H1-8: variants seen among roughly 807,000 people sequenced by gnomAD.
H1-8 encodes histone H1.8.
A neutral mutation model predicts 19.5 loss-of-function variants in H1-8; 13 were observed. The observed-to-expected ratio is 0.67, with a 90% CI of 0.43 to 1.06. The LOEUF is 1.06. H1-8 is among the 50% of genes least tolerant of loss of function. The pLI is 0.00. For missense variants in H1-8, 432 were observed against 459.8 expected, an observed-to-expected ratio of 0.94 and a Z score of 0.55; for synonymous variants, 193 against 187.6, an observed-to-expected ratio of 1.03 and a Z score of -0.24.
At position 129,549,224 on chromosome 3, in the gene H1-8, G is replaced by T; in HGVS notation, c.602G>T (p.Gly201Val). Residue 201 changes from glycine (G) to valine (V), a missense_variant, in exon 3 of 5, where the codon GGC becomes GTC. Coordinates refer to ENST00000324382, the MANE Select transcript of H1-8 (RefSeq NM_153833.3). ...GAATEKARKQ[G>V]GAAKDTRAQS... ...GCCACAGAGAAGGCTCGCAAGCAAG[G>T]CGGCGCGGCCAAGGACACCAGGGCA... The T allele has an allele frequency of 6.3e-7, 1 of 1,578,704 alleles. No individual in the cohort carries two copies. The highest frequency in any genetic ancestry group is 8.6e-7 in the Non-Finnish European group (1 of 1,162,242).
chr3:129,549,492 A>G, intron 3 of H1-8, 128 bp downstream of exon 3: 6 of 1,118,326 alleles, frequency 5.4e-6, no homozygotes, highest in Non-Finnish European at 7.4e-6. Flanking sequence ...GCTGGGCTTG[A>G]CCTGGAGAGA....
intron 1 of H1-8, among the ~76,000 whole-genome samples, 192 bp from the exon 2 acceptor site, chr3:129,547,199 G>T (rs565384105): frequency 6.6e-6 from 1 of 152,038 alleles, no homozygotes; most frequent in East Asian, 1.9e-4. Context: ...GTGTCTCAAA[G>T]AAAAAAAGAG....
intron 1 of H1-8, among the ~76,000 whole-genome samples, chr3:129,543,522 A>G (rs893627104): frequency 6.6e-6 from 1 of 152,166 alleles, no homozygotes; most frequent in South Asian, 2.1e-4. Flanking sequence ...ACAGGTAGCA[A>G]GGCCAGGTAG....
intron 1 of H1-8, among the ~76,000 whole-genome samples, chr3:129,546,797 C>G (rs1017201738): frequency 6.6e-6 from 1 of 152,200 alleles, no homozygotes; most frequent in Non-Finnish European, 1.5e-5. Context: ...GTCTCTCAGT[C>G]TGGGTGCCTC....
At chr3:129,546,797 C>T (rs1017201738) in intron 1 of H1-8, among the ~76,000 whole-genome samples, 5 of 152,200 alleles carry the variant, frequency 3.3e-5, no homozygotes, top group African/African-American at 1.2e-4. Context: ...GTCTCTCAGT[C>T]TGGGTGCCTC....
chr3:129,544,832 G>A (rs1461795464), intron 1 of H1-8, among the ~76,000 whole-genome samples: 1 of 152,008 alleles, frequency 6.6e-6, no homozygotes, highest in Admixed American at 6.6e-5. Flanking sequence ...CCACTGTACG[G>A]ATGGGAAGAC....
chr3:129,550,683 CT>C (rs1578292632), intron 3 of H1-8, 61 bp from the exon 4 acceptor site: 1 of 1,450,214 alleles, frequency 6.9e-7, no homozygotes, highest in East Asian at 2.3e-5. Flanking sequence ...GCCCCTGAAA[CT>C]TCCTGCCCCA....
chr3:129,543,442 A>T, intron 1 of H1-8, 136 bp downstream of exon 1: 1 of 665,494 alleles, frequency 1.5e-6, no homozygotes, highest in Non-Finnish European at 2.7e-6. Context: ...GCACTCACCC[A>T]GCACTCACCC....
At chr3:129,548,568 A>G in intron 2 of H1-8, 2 of 877,796 alleles carry the variant, frequency 2.3e-6, no homozygotes, top group South Asian at 1.0e-4. Flanking sequence ...TGCCGCTCAC[A>G]GCCTTGGTGA....
intron 3 of H1-8, among the ~76,000 whole-genome samples, chr3:129,550,222 C>G (rs1277251937): frequency 2.0e-5 from 3 of 152,056 alleles, no homozygotes; most frequent in Non-Finnish European, 4.4e-5. Flanking sequence ...GGGCAAGATA[C>G]TAGGATCCCA....
chr3:129,549,103 A>G lies in H1-8; in HGVS notation c.481A>G (p.Ser161Gly). The G allele has an allele frequency of 6.2e-7, 1 of 1,601,562 alleles. No individual in the cohort carries two copies. The highest frequency in any genetic ancestry group is 8.5e-7 in the Non-Finnish European group (1 of 1,173,316). ...CAAGGGGAAGGGCCCCAAGAAACCA[A>G]GTGAGGCCAAGGAGGACCCTCCCAA... is the stretch of plus-strand genomic sequence containing the variant. ...EAKGKGPKKP[S>G]EAKEDPPNVG... The change falls in exon 3 of 5, where the codon AGT (serine) becomes GGT (glycine). Residue 161 changes from serine to glycine, a missense_variant. Physicochemically the swap from Ser to Gly is moderately conservative, Grantham distance 56. Transcript: ENST00000324382.
intron 2 of H1-8, 61 bp from the exon 3 acceptor site, chr3:129,548,940 G>T: frequency 2.0e-6 from 3 of 1,534,158 alleles, no homozygotes; most frequent in Non-Finnish European, 2.6e-6. Context: ...GTCTTACGGG[G>T]GGTGGGGGGC....
intron 1 of H1-8, among the ~76,000 whole-genome samples, chr3:129,545,087 G>T (rs1490053935): frequency 4.7e-5 from 7 of 148,964 alleles, no homozygotes; most frequent in Admixed American, 3.3e-4. Context: ...TTGAGACAGG[G>T]TCTTGCTTTG....
At position 129,548,853 on chromosome 3, in the gene H1-8, A is replaced by G. The variant is rs528444723; in HGVS notation, c.379-148A>G. On this transcript the variant is annotated intron_variant, in intron 2 of 4. Transcript: ENST00000324382. ...ATCATAGTAGACAGTGCCTCCAAGG[A>G]CAGTGGCTTCGTGCCTTCTCCCTGC... The G allele has an allele frequency of 5.6e-5, 60 of 1,071,908 alleles. No individual in the cohort carries two copies. The East Asian group carries it at 1.4e-3, about 25-fold the overall frequency. 66.4% of individuals were successfully genotyped at this position (1,071,908 alleles called of 1,614,324 possible).
intron 1 of H1-8, among the ~76,000 whole-genome samples, chr3:129,546,134 T>C (rs552904170): frequency 1.4e-5 from 2 of 144,448 alleles, no homozygotes; most frequent in African/African-American, 5.0e-5. Flanking sequence ...ATAATAATAA[T>C]AATAATAATA....
At chr3:129,550,453 G>A (rs772813490) in intron 3 of H1-8, among the ~76,000 whole-genome samples, 14 of 152,100 alleles carry the variant, frequency 9.2e-5, no homozygotes, top group Admixed American at 3.9e-4. Flanking sequence ...CTAAAGGCTC[G>A]AGCTGACAGG....
At chr3:129,547,200 A>T (rs532690372) in intron 1 of H1-8, among the ~76,000 whole-genome samples, 191 bp from the exon 2 acceptor site, 1 of 152,294 alleles carries the variant, frequency 6.6e-6, no homozygotes, top group East Asian at 1.9e-4. Flanking sequence ...TGTCTCAAAG[A>T]AAAAAAGAGA....
intron 2 of H1-8, 65 bp from the exon 3 acceptor site, chr3:129,548,936 C>A (rs569735818): frequency 2.6e-6 from 4 of 1,530,090 alleles, no homozygotes; most frequent in Non-Finnish European, 3.5e-6. Context: ...CGGAGTCTTA[C>A]GGGGGGTGGG....
intron 3 of H1-8, among the ~76,000 whole-genome samples, chr3:129,550,416 T>G (rs2084924801): frequency 6.6e-6 from 1 of 152,046 alleles, no homozygotes; most frequent in African/African-American, 2.4e-5. Context: ...TAAAAAAAAG[T>G]ATCCTGGCTG....
Sources: gnomAD v4.1 joint callset for allele counts (sites outside exome capture counted in the v4.1 genomes callset) on GRCh38, gnomAD v4.1.1 for gene constraint, MANE v1.5 for transcripts, NCBI Gene and HGNC (gene_info 2026-07-23, HGNC 2026-07-21) for gene names.